The following KIAA1958 variants were observed in gnomAD, a reference collection of about 807,000 sequenced individuals.
KIAA1958 encodes the protein KIAA1958.
KIAA1958 carries 14 observed loss-of-function variants against 47.2 expected under a neutral mutation model. The observed-to-expected ratio is 0.30, with a 90% CI of 0.20 to 0.46. The LOEUF (loss-of-function observed/expected upper bound fraction) is 0.46. Among genes scored for constraint, KIAA1958 ranks in the 20% least tolerant of loss-of-function variants. The pLI is 1.00. For missense variants in KIAA1958, 803 were observed against 909.2 expected (o/e 0.88, Z 1.50); for synonymous variants, 354 against 353.3 (o/e 1.00, Z -0.02).
At chr9:112,566,603 G>A (rs573793162) in intron 1 of KIAA1958, among the ~76,000 whole-genome samples, 1 of 152,242 alleles carries the variant, frequency 6.6e-6, no homozygotes, top group Non-Finnish European at 1.5e-5. Context: ...GCGAGACCCT[G>A]CCTCAAAAAA....
intron 1 of KIAA1958, among the ~76,000 whole-genome samples, chr9:112,518,961 A>T (rs565421623): frequency 7.9e-5 from 12 of 152,082 alleles, no homozygotes; most frequent in South Asian, 4.2e-4. Flanking sequence ...CAGGGTCTCA[A>T]CTCTGTTGCT....
chr9:112,568,106 T>C (rs1215721812), intron 1 of KIAA1958, among the ~76,000 whole-genome samples: 2 of 151,776 alleles, frequency 1.3e-5, no homozygotes, highest in Non-Finnish European at 2.9e-5. Flanking sequence ...CTTTATAAAA[T>C]AAAATAGGCA....
At chr9:112,634,613 G>C (rs1836772285) in intron 2 of KIAA1958, among the ~76,000 whole-genome samples, 1 of 152,124 alleles carries the variant, frequency 6.6e-6, no homozygotes, top group African/African-American at 2.4e-5. Flanking sequence ...GAGGGTACAT[G>C]GGCAGGTTTG....
intron 1 of KIAA1958, among the ~76,000 whole-genome samples, chr9:112,568,935 C>CAAAAAAAAAAAAAAAAAAAAAAAA (rs1835481168): frequency 7.0e-4 from 2 of 2,846 alleles, no homozygotes; most frequent in African/African-American, 1.5e-3. Context: ...AATAGGAAAA[C>CAAAAAAAAAAAAAAAAAAAAAAAA]TAAAAAAAAA....
At position 112,667,681 on chromosome 9, in the gene KIAA1958, T is replaced by C. The variant is rs1411282945; in HGVS notation, c.*7612T>C. On this transcript the variant is annotated 3_prime_UTR_variant, in exon 4 of 4. Coordinates refer to ENST00000337530, the MANE Select transcript of KIAA1958 (RefSeq NM_133465.4). ...CAAATGCCAGGAAACAATAGAGAAT[T>C]GTGAGGGGGAAAAGTTGTGACTTTG... 3 of 152,274 alleles carry C rather than the reference T, an allele frequency of 2.0e-5. No homozygotes were observed. The East Asian group carries it at 5.8e-4, about 29-fold the overall frequency. 9.4% of individuals were successfully genotyped at this position (152,274 alleles called of 1,614,324 possible).
chr9:112,506,877 A>G (rs201465526), intron 1 of KIAA1958, among the ~76,000 whole-genome samples: 2 of 152,150 alleles, frequency 1.3e-5, no homozygotes, highest in East Asian at 3.8e-4. Context: ...GTGCTTAACT[A>G]GAAGTGTGGT....
At chr9:112,491,546 G>T (rs1021793890) in intron 1 of KIAA1958, among the ~76,000 whole-genome samples, 17 of 140,620 alleles carry the variant, frequency 1.2e-4, no homozygotes, top group Admixed American at 4.3e-4. Flanking sequence ...TTATTAGCTG[G>T]TTTTTTTTTT....
chr9:112,523,973 G>A (rs566244611), intron 1 of KIAA1958, among the ~76,000 whole-genome samples: 4 of 152,104 alleles, frequency 2.6e-5, no homozygotes, highest in African/African-American at 7.2e-5. Flanking sequence ...CCTTCTAGTC[G>A]AGTTTCTAAA....
At chr9:112,570,153 A>G (rs1391253529) in intron 1 of KIAA1958, among the ~76,000 whole-genome samples, 1 of 152,352 alleles carries the variant, frequency 6.6e-6, no homozygotes, top group East Asian at 1.9e-4. Flanking sequence ...TCAAATAACT[A>G]ATCAAGAATA....
intron 1 of KIAA1958, among the ~76,000 whole-genome samples, chr9:112,536,385 C>A (rs890252999): frequency 6.6e-6 from 1 of 152,186 alleles, no homozygotes; most frequent in East Asian, 1.9e-4. Context: ...CAGACTTTTT[C>A]AATAAAAGAC....
At chr9:112,605,270 G>C (rs1229841588) in intron 2 of KIAA1958, among the ~76,000 whole-genome samples, 1 of 152,040 alleles carries the variant, frequency 6.6e-6, no homozygotes, top group African/African-American at 2.4e-5. Context: ...AGATTAGCTT[G>C]AATCTCTCTT....
rs965472286 is a variant in KIAA1958, at chr9:112,562,189, GA to G, written c.-24-11865del. ...ACATGGTAGACCACCAAAATGGGGG[GA>G]AAGCCCCTAATTTCAGGTGAGCAAT... On this transcript the variant is annotated intron_variant, in intron 1 of 3. Transcript: ENST00000337530. 5.6e-4 allele frequency among the ~76,000 whole-genome samples: 86 copies of G among 152,266 alleles called. 1 individual carries two copies. The highest frequency in any genetic ancestry group is 2.1e-3 in the African/African-American group (86 of 41,556).
intron 2 of KIAA1958, among the ~76,000 whole-genome samples, chr9:112,578,882 T>C (rs562413460): frequency 6.2e-4 from 95 of 152,104 alleles, no homozygotes; most frequent in Admixed American, 1.3e-3. Flanking sequence ...TTTATGTGTA[T>C]ATTATATTTC....
chr9:112,565,018 G>T (rs1032350946), intron 1 of KIAA1958, among the ~76,000 whole-genome samples: 3 of 152,172 alleles, frequency 2.0e-5, no homozygotes, highest in African/African-American at 7.2e-5. Flanking sequence ...TGGCAAATAA[G>T]AATTGTCTAA....
chr9:112,500,748 A>G (rs148284576), intron 1 of KIAA1958, among the ~76,000 whole-genome samples: 16 of 152,286 alleles, frequency 1.1e-4, no homozygotes, highest in African/African-American at 3.8e-4. Context: ...AAAAGAATGT[A>G]GTTCTGTATA....
chr9:112,526,862 A>G (rs1420182462), intron 1 of KIAA1958, among the ~76,000 whole-genome samples: 3 of 152,140 alleles, frequency 2.0e-5, no homozygotes, highest in Non-Finnish European at 1.5e-5. Context: ...CAGTATCTCT[A>G]TTTATCTAAG....
chr9:112,601,886 A>G (rs1313659511), intron 2 of KIAA1958, among the ~76,000 whole-genome samples: 1 of 152,236 alleles, frequency 6.6e-6, no homozygotes, highest in Admixed American at 6.5e-5. Flanking sequence ...TGCTATCAAG[A>G]ATCATACTGG....
At chr9:112,583,045 A>C (rs1051057062) in intron 2 of KIAA1958, among the ~76,000 whole-genome samples, 1 of 152,260 alleles carries the variant, frequency 6.6e-6, no homozygotes, top group Admixed American at 6.5e-5. Flanking sequence ...GCAGTGATCT[A>C]GGAAATTCAG....
At position 112,619,000 on chromosome 9, in the gene KIAA1958, T is replaced by G; in HGVS notation, c.1172-26650T>G. The G allele has an allele frequency of 7.1e-7, 1 of 1,405,106 alleles. No homozygotes were observed. The highest frequency in any genetic ancestry group is 9.4e-7 in the Non-Finnish European group (1 of 1,068,060). The allele number at this position is 1,405,106 out of a possible 1,614,324, so 87.0% of individuals were successfully genotyped here. A position where few individuals can be genotyped will look rare whatever the true frequency, so the allele number is the denominator to read the frequency against. ...ACACCGCTTCTCGTTCCCCTTCCTGTGCCCTCAGTGTTAATTCACTTTATA... is the reference window on the plus strand; with the variant it reads ...ACACCGCTTCTCGTTCCCCTTCCTGGGCCCTCAGTGTTAATTCACTTTATA... On this transcript the variant is annotated intron_variant, in intron 2 of 3. Coordinates refer to ENST00000337530, the MANE Select transcript of KIAA1958 (RefSeq NM_133465.4). The surrounding 1 kb of genome is among the most constrained non-coding windows in gnomAD (Gnocchi z 7.1).
Sources: allele counts gnomAD v4.1 joint callset (sites outside exome capture counted in the v4.1 genomes callset), GRCh38; gene constraint gnomAD v4.1.1; non-coding constraint Gnocchi (gnomAD v3.1); transcripts MANE v1.5; gene names NCBI Gene and HGNC (gene_info 2026-07-23, HGNC 2026-07-21).